The following LRBA variants were observed in gnomAD, a reference collection of about 807,000 sequenced individuals.
The protein encoded by LRBA is LPS responsive beige-like anchor protein, also known as lipopolysaccharide-responsive and beige-like anchor protein.
Under a neutral mutation model 330.0 loss-of-function variants are expected in LRBA, and 176 were observed. The ratio of observed to expected loss-of-function variants is 0.53; its 90% CI spans 0.47 to 0.60. The LOEUF is 0.60. Ranked by LOEUF, LRBA falls within the 20% of genes least tolerant of loss-of-function variation. LRBA has a pLI of 0.00. For synonymous variants in LRBA, 1,230 were observed against 1,193.0 expected, an observed-to-expected ratio of 1.03 and a Z score of -0.64; for missense variants, 3,259 against 3,444.8, an observed-to-expected ratio of 0.95 and a Z score of 1.35.
intron 40 of LRBA, chr4:150,582,826 G>C (rs545037152): frequency 2.0e-6 from 1 of 510,438 alleles, no homozygotes. Context: ...CAGAAGAAAA[G>C]AGGTTTCGAA....
At chr4:150,938,076 T>TAA (rs58730047) in intron 2 of LRBA, among the ~76,000 whole-genome samples, 3 of 132,264 alleles carry the variant, frequency 2.3e-5, no homozygotes, top group Admixed American at 7.6e-5. Flanking sequence ...TGGTATAGTT[T>TAA]AAAAAAAAAA....
intron 2 of LRBA, among the ~76,000 whole-genome samples, chr4:150,971,487 TCAACA>T (rs1380188833): frequency 6.6e-6 from 1 of 152,128 alleles, no homozygotes; most frequent in African/African-American, 2.4e-5. Flanking sequence ...TTTCCTCAAC[TCAACA>T]CAACAGAAAT....
intron 40 of LRBA, among the ~76,000 whole-genome samples, chr4:150,563,939 C>T (rs1175621617): frequency 4.6e-5 from 7 of 152,014 alleles, no homozygotes; most frequent in Non-Finnish European, 7.4e-5. Context: ...GAATCAATAT[C>T]GTGAAAATGG....
intron 2 of LRBA, among the ~76,000 whole-genome samples, chr4:150,959,928 T>A (rs1737953684): frequency 6.8e-6 from 1 of 147,244 alleles, no homozygotes; most frequent in South Asian, 2.1e-4. Flanking sequence ...TACTTTTTTT[T>A]TTTTTTAAGA....
At chr4:150,884,697 A>G (rs1728756505) in intron 17 of LRBA, among the ~76,000 whole-genome samples, 2 of 152,154 alleles carry the variant, frequency 1.3e-5, no homozygotes, top group African/African-American at 4.8e-5. Context: ...ATTATTTAAA[A>G]CCAAACAAAA....
chr4:150,951,988 T>A (rs1338131856), intron 2 of LRBA, among the ~76,000 whole-genome samples: 1 of 152,216 alleles, frequency 6.6e-6, no homozygotes, highest in Non-Finnish European at 1.5e-5. Context: ...GTCTAATAAG[T>A]TCAGGAGAAC....
chr4:150,602,852 T>G (rs1185428525), intron 37 of LRBA, among the ~76,000 whole-genome samples: 1 of 152,196 alleles, frequency 6.6e-6, no homozygotes, highest in Admixed American at 6.6e-5. Flanking sequence ...CAGCAAAATT[T>G]AAAAGACTTC....
At position 150,771,100 on chromosome 4, in the gene LRBA, G is replaced by A. The variant is rs144715614; in HGVS notation, c.5581-9253C>T. On this transcript the variant is annotated intron_variant, in intron 34 of 56. Transcript: ENST00000651943. Reference sequence around the variant, plus strand: ...TGGAATCATTGTTGTGCCTCCTGGTGGAAGCATTTCTCCCTTTGGAAGTAA... The same window carrying A: ...TGGAATCATTGTTGTGCCTCCTGGTAGAAGCATTTCTCCCTTTGGAAGTAA... 6.6e-3 allele frequency among the ~76,000 whole-genome samples: 1,004 copies of A among 152,240 alleles called. 16 individuals carry two copies. Among genetic ancestry groups the A allele is most frequent in the Middle Eastern group, 0.02 (6 of 294 alleles).
chr4:150,688,191 C>T (rs1457447728), intron 36 of LRBA, among the ~76,000 whole-genome samples: 1 of 152,122 alleles, frequency 6.6e-6, no homozygotes. Flanking sequence ...CTGACAAAAA[C>T]AAGAAATGGG....
intron 43 of LRBA, among the ~76,000 whole-genome samples, chr4:150,468,069 G>C (rs760017673): frequency 1.1e-4 from 17 of 151,950 alleles, no homozygotes; most frequent in Non-Finnish European, 1.9e-4. Context: ...CTGGTCCTAA[G>C]TTTGTGTTCT....
chr4:150,528,221 G>A (rs543644144), intron 40 of LRBA, among the ~76,000 whole-genome samples: 1 of 152,182 alleles, frequency 6.6e-6, no homozygotes, highest in African/African-American at 2.4e-5. Flanking sequence ...TGAGAAATAT[G>A]ATGATAAAGA....
chr4:150,355,195 C>G (rs1260787127), intron 47 of LRBA, among the ~76,000 whole-genome samples: 1 of 151,960 alleles, frequency 6.6e-6, no homozygotes, highest in Non-Finnish European at 1.5e-5. Context: ...TGTATTTAAT[C>G]TACACATGCA....
intron 7 of LRBA, among the ~76,000 whole-genome samples, chr4:150,916,103 A>G (rs1406037665): frequency 6.6e-6 from 1 of 152,182 alleles, no homozygotes; most frequent in Non-Finnish European, 1.5e-5. Flanking sequence ...TGAACCATTT[A>G]TTAACCTCTA....
intron 2 of LRBA, among the ~76,000 whole-genome samples, chr4:150,995,574 T>C (rs942785787): frequency 1.3e-5 from 2 of 152,042 alleles, no homozygotes; most frequent in Non-Finnish European, 2.9e-5. Flanking sequence ...CAATTGCTTA[T>C]TGATAGTCAT....
At chr4:150,335,545 TAC>T (rs1208333328) in intron 48 of LRBA, among the ~76,000 whole-genome samples, 2 of 149,280 alleles carry the variant, frequency 1.3e-5, no homozygotes, top group South Asian at 2.1e-4. Flanking sequence ...TATATATATA[TAC>T]ACACACACAT....
At chr4:150,836,990 T>C (rs947976822) in intron 28 of LRBA, among the ~76,000 whole-genome samples, 20 of 152,214 alleles carry the variant, frequency 1.3e-4, no homozygotes, top group African/African-American at 4.3e-4. Context: ...TTCTGGTATG[T>C]TGTGTCTTTG....
intron 37 of LRBA, among the ~76,000 whole-genome samples, chr4:150,662,201 C>G (rs1483088494): frequency 6.6e-6 from 1 of 151,984 alleles, no homozygotes; most frequent in Non-Finnish European, 1.5e-5. Flanking sequence ...TAATGTAATC[C>G]ATGAAAAATC....
At chr4:150,319,426 A>G (rs545178755) in intron 50 of LRBA, among the ~76,000 whole-genome samples, 1 of 152,298 alleles carries the variant, frequency 6.6e-6, no homozygotes, top group South Asian at 2.1e-4. Context: ...TAAATCCTCT[A>G]GTGTATTTGA....
intron 54 of LRBA, among the ~76,000 whole-genome samples, chr4:150,283,237 C>T (rs1747765446): frequency 6.6e-6 from 1 of 151,670 alleles, no homozygotes; most frequent in Non-Finnish European, 1.5e-5. Context: ...GCCACTTCTC[C>T]TTGGCAACTG....
Sources: allele counts gnomAD v4.1 joint callset (sites outside exome capture counted in the v4.1 genomes callset), GRCh38; gene constraint gnomAD v4.1.1; transcripts MANE v1.5; gene names NCBI Gene and HGNC (gene_info 2026-07-23, HGNC 2026-07-21).